The following GRAMD1C variants were observed in gnomAD, a reference collection of about 807,000 sequenced individuals.
GRAMD1C encodes GRAM domain containing 1C.
GRAMD1C carries 89 observed loss-of-function variants against 97.8 expected under a neutral mutation model. The ratio of observed to expected loss-of-function variants is 0.91; its 90% confidence interval spans 0.77 to 1.09. The LOEUF is 1.09. GRAMD1C is among the 50% of genes least tolerant of loss of function. GRAMD1C has a pLI of 0.00. For missense variants in GRAMD1C, 740 were observed against 766.4 expected (o/e 0.97, Z 0.41); for synonymous variants, 256 against 267.0 (o/e 0.96, Z 0.40).
At chr3:113,939,779 A>G (rs949062272) in intron 15 of GRAMD1C, 107 bp from the exon 16 acceptor site, 5 of 605,918 alleles carry the variant, frequency 8.3e-6, no homozygotes, top group Admixed American at 3.0e-5. Flanking sequence ...AACAATGAAA[A>G]ACAGTGTAGA....
At chr3:113,886,120 A>G (rs1935467838) in intron 6 of GRAMD1C, 2 of 1,488,686 alleles carry the variant, frequency 1.3e-6, no homozygotes, top group African/African-American at 2.8e-5. Context: ...TGCCCTGTCC[A>G]ATGTGAGGAC....
chr3:113,923,728 C>T (rs2895417), intron 10 of GRAMD1C, among the ~76,000 whole-genome samples: 108,768 of 151,996 alleles, frequency 0.72, 39,493 homozygotes, highest in East Asian at 0.87. Context: ...CCTAAGGTTT[C>T]CTTTTTTTGT....
At position 113,876,129 on chromosome 3, in the gene GRAMD1C, T is replaced by C. The variant is rs751979177; in HGVS notation, c.364-36T>C. Reference sequence around the variant, plus strand: ...TGGCATTTTGTATTGTGTATGTTTCTGAAAAATACATTAAAAAAATTTTTT... The same window carrying C: ...TGGCATTTTGTATTGTGTATGTTTCCGAAAAATACATTAAAAAAATTTTTT... On this transcript the variant is annotated intron_variant, in intron 4 of 17. Transcript: ENST00000358160. 7 of 952,254 alleles carry C rather than the reference T, an allele frequency of 7.4e-6. No homozygotes were observed. In the Admixed American group the frequency reaches 1.3e-4, roughly 18 times the overall value. 59.0% of individuals were successfully genotyped at this position (952,254 alleles called of 1,614,324 possible). A position where few individuals can be genotyped will look rare whatever the true frequency, so the allele number is the denominator to read the frequency against.
At chr3:113,878,440 G>A (rs1935132259) in intron 5 of GRAMD1C, among the ~76,000 whole-genome samples, 1 of 152,146 alleles carries the variant, frequency 6.6e-6, no homozygotes, top group Admixed American at 6.5e-5. Flanking sequence ...CATTGCTATG[G>A]AGTTGGGGGA....
intron 17 of GRAMD1C, among the ~76,000 whole-genome samples, chr3:113,942,017 G>T (rs1937815169): frequency 6.6e-6 from 1 of 151,342 alleles, no homozygotes; most frequent in African/African-American, 2.4e-5. Context: ...CTGGGCTCAA[G>T]CAAACCTCCC....
chr3:113,834,732 G>C (rs1022612548), upstream of GRAMD1C, among the ~76,000 whole-genome samples: 1 of 149,504 alleles, frequency 6.7e-6, no homozygotes, highest in Non-Finnish European at 1.5e-5. Flanking sequence ...TCAGGAGTTC[G>C]AGACGAGCCT....
At chr3:113,882,405 G>T (rs111382425) in intron 5 of GRAMD1C, among the ~76,000 whole-genome samples, 40 of 152,092 alleles carry the variant, frequency 2.6e-4, no homozygotes, top group African/African-American at 8.9e-4. Flanking sequence ...TCTTCGCAAA[G>T]TTCAGAATAA....
At chr3:113,896,666 C>T (rs1315352368) in intron 6 of GRAMD1C, among the ~76,000 whole-genome samples, 1 of 152,182 alleles carries the variant, frequency 6.6e-6, no homozygotes, top group African/African-American at 2.4e-5. Context: ...CCACAGTGGG[C>T]TTTCTTCATT....
intron 4 of GRAMD1C, chr3:113,875,883 T>C (rs1935010198): frequency 7.3e-6 from 3 of 412,964 alleles, no homozygotes; most frequent in Non-Finnish European, 8.5e-6. Flanking sequence ...GTCTGATTTT[T>C]GTTTGTGTGT....
chr3:113,841,158 C>T (rs1709774674), intron 1 of GRAMD1C, among the ~76,000 whole-genome samples: 2 of 152,016 alleles, frequency 1.3e-5, no homozygotes, highest in Admixed American at 6.6e-5. Flanking sequence ...AAAATGACAT[C>T]ATCGAGGATG....
At chr3:113,837,020 C>G (rs560311550), upstream of GRAMD1C, among the ~76,000 whole-genome samples, 1 of 152,280 alleles carries the variant, frequency 6.6e-6, no homozygotes, top group South Asian at 2.1e-4. Context: ...GTAACATCAA[C>G]TCTAATAGCC....
chr3:113,856,759 A>G (rs564391494), intron 2 of GRAMD1C, among the ~76,000 whole-genome samples: 137 of 151,814 alleles, frequency 9.0e-4, no homozygotes, highest in Non-Finnish European at 1.4e-3. Flanking sequence ...GGCTGATCGC[A>G]GACTCCTGAC....
intron 2 of GRAMD1C, among the ~76,000 whole-genome samples, chr3:113,857,366 T>G (rs374651475): frequency 1.6e-4 from 22 of 133,966 alleles, no homozygotes; most frequent in East Asian, 1.4e-3. Context: ...TTCAGGAAGT[T>G]CTCTTGTATT....
chr3:113,912,849 AAG>A (rs1441506293), intron 9 of GRAMD1C, among the ~76,000 whole-genome samples: 1 of 152,212 alleles, frequency 6.6e-6, no homozygotes, highest in African/African-American at 2.4e-5. Flanking sequence ...GAGAAAGGGA[AAG>A]AGAAAGAGAA....
At chr3:113,913,147 C>CT (rs1186575998) in intron 9 of GRAMD1C, 2 of 1,256,862 alleles carry the variant, frequency 1.6e-6, no homozygotes, top group Non-Finnish European at 2.1e-6. Context: ...CTCTGGCCCC[C>CT]AGTGGCCAAA....
intron 10 of GRAMD1C, among the ~76,000 whole-genome samples, chr3:113,927,118 G>T (rs1039889244): frequency 6.6e-6 from 1 of 151,938 alleles, no homozygotes; most frequent in African/African-American, 2.4e-5. Flanking sequence ...TATACTGGCA[G>T]AATATTTTGG....
At chr3:113,926,704 G>A (rs548383590) in intron 10 of GRAMD1C, among the ~76,000 whole-genome samples, 4 of 152,168 alleles carry the variant, frequency 2.6e-5, no homozygotes, top group South Asian at 4.1e-4. Flanking sequence ...ATGCCTGTGG[G>A]GGTTTGATTG....
At chr3:113,937,284 T>C (rs2107377696) in intron 14 of GRAMD1C, among the ~76,000 whole-genome samples, 1 of 152,338 alleles carries the variant, frequency 6.6e-6, no homozygotes, top group East Asian at 1.9e-4. Context: ...TTGAGGCTTG[T>C]AGCTTAGTGT....
intron 6 of GRAMD1C, among the ~76,000 whole-genome samples, chr3:113,884,368 A>G (rs1216639963): frequency 6.6e-6 from 1 of 152,228 alleles, no homozygotes; most frequent in Non-Finnish European, 1.5e-5. Context: ...AATGGGTGAA[A>G]GAAGAAATCA....
Sources: gnomAD v4.1 joint callset for allele counts (sites outside exome capture counted in the v4.1 genomes callset) on GRCh38, gnomAD v4.1.1 for gene constraint, MANE v1.5 for transcripts, NCBI Gene and HGNC (gene_info 2026-07-23, HGNC 2026-07-21) for gene names.